ANKRD28: variants seen among roughly 807,000 people sequenced by gnomAD.
ANKRD28 encodes the protein serine/threonine-protein phosphatase 6 regulatory ankyrin repeat subunit A.
ANKRD28 carries 44 observed loss-of-function variants against 126.5 expected under a neutral mutation model. That is an observed-to-expected ratio of 0.35 (90% CI 0.27 to 0.45). ANKRD28 has a LOEUF of 0.45. Ranked by LOEUF, ANKRD28 falls within the 20% of genes least tolerant of loss-of-function variation. ANKRD28 has a pLI of 1.00. For synonymous variants in ANKRD28, 442 were observed against 468.5 expected (o/e 0.94, Z 0.73); for missense variants, 1,110 against 1,316.6 (o/e 0.84, Z 2.43).
Position 15,845,765 on chromosome 3 carries a change from T to C in ANKRD28, c.27+13612A>G, listed in dbSNP as rs1230722428. On this transcript the variant is annotated intron_variant, in intron 1 of 27. Coordinates refer to the ANKRD28 transcript ENST00000399451. This position sits in a 1 kb window ranked among gnomAD's most constrained non-coding sequence, Gnocchi z 4.9. ...AGTTCCACAGGCTTAATAAGAAGTA[T>C]GACTCAAGAAACTTAGAATCACGGT... Among the ~76,000 whole-genome samples, 3 of 152,152 alleles carry C rather than the reference T, an allele frequency of 2.0e-5. No homozygotes were observed. Among genetic ancestry groups the C allele is most frequent in the Non-Finnish European group, 4.4e-5 (3 of 68,034 alleles).
rs537408443 is a variant in ANKRD28, at chr3:15,833,693, C to T, written c.27+25684G>A. 4.0e-5 allele frequency among the ~76,000 whole-genome samples: 6 copies of T among 151,720 alleles called. No individual in the cohort carries two copies. The highest frequency in any genetic ancestry group is 8.8e-5 in the Non-Finnish European group (6 of 67,946). On this transcript the variant is annotated intron_variant, in intron 1 of 27. Coordinates refer to the ANKRD28 transcript ENST00000399451. The surrounding 1 kb of genome is among the most constrained non-coding windows in gnomAD (Gnocchi z 4.4). ...TCTGACTCATATAAGATGGTTTTAA[C>T]CCATTTATGCTGGAAGCTGCAATTA...
rs369591707 is a variant in ANKRD28 at position 15,737,244 on chromosome 3, T to C, written c.352-11A>G. On this transcript the variant is annotated splice_polypyrimidine_tract_variant and intron_variant, in intron 4 of 27. Coordinates refer to ENST00000683139, the MANE Select transcript of ANKRD28 (RefSeq NM_001349278.2). The stretch of plus-strand genomic sequence containing the variant: ...TACCTGAACTGCTTCCTAAAACATA[T>C]GAAAAGTTATAAAAGACAAATGAGT... 9.4e-4 allele frequency: 1,518 copies of C among 1,607,554 alleles called. 2 individuals carry two copies. Among genetic ancestry groups the C allele is most frequent in the Non-Finnish European group, 1.2e-3 (1,413 of 1,176,332 alleles).
At position 15,797,306 on chromosome 3, in the gene ANKRD28, A is replaced by G; in HGVS notation, c.-785T>C. On this transcript the variant is annotated 5_prime_UTR_variant, in exon 1 of 28. Transcript: ENST00000683139. ...GAGACAATACGACTCTTGGTACTAG[A>G]ATACAGCTTGATTAATCCAGGTTTC... 1.0e-6 allele frequency: 1 copy of G among 985,354 alleles called. No individual in the cohort carries two copies. 61.0% of individuals were successfully genotyped at this position (985,354 alleles called of 1,614,324 possible).
At chr3:15,684,334 G>A (rs2067868587) in intron 21 of ANKRD28, 1 of 152,198 alleles carries the variant, frequency 6.6e-6, no homozygotes, top group Non-Finnish European at 1.5e-5. Flanking sequence ...AGCGATGACT[G>A]TGACTGTGAG....
intron 1 of ANKRD28, among the ~76,000 whole-genome samples, chr3:15,847,454 T>C (rs1196687866): frequency 6.6e-6 from 1 of 152,194 alleles, no homozygotes; most frequent in Non-Finnish European, 1.5e-5. Flanking sequence ...TCATTCACTT[T>C]AATTATCACC....
At chr3:15,767,772 T>C (rs1183694775) in intron 2 of ANKRD28, among the ~76,000 whole-genome samples, 1 of 131,514 alleles carries the variant, frequency 7.6e-6, no homozygotes, top group South Asian at 2.5e-4. Flanking sequence ...CCTGTAGTCC[T>C]GGCTACTTGG....
intron 6 of ANKRD28, among the ~76,000 whole-genome samples, chr3:15,727,675 C>T (rs1283481559): frequency 2.0e-5 from 3 of 151,624 alleles, no homozygotes; most frequent in South Asian, 4.2e-4. Flanking sequence ...TGATTCCAAC[C>T]CTCATGGATG....
Position 15,854,514 on chromosome 3 carries a change from G to A in ANKRD28, c.27+4863C>T, listed in dbSNP as rs1231587551. ...CTGCACCTCTTACAGAGCTCACCAG[G>A]TTCTATTTTGTATTGCAAAAGGTAT... On this transcript the variant is annotated intron_variant, in intron 1 of 27. Transcript: ENST00000399451. This position sits in a 1 kb window ranked among gnomAD's most constrained non-coding sequence, Gnocchi z 4.1. Among the ~76,000 whole-genome samples, 1 of 152,138 alleles carries A rather than the reference G, an allele frequency of 6.6e-6. No individual in the cohort carries two copies. The highest frequency in any genetic ancestry group is 2.4e-5 in the African/African-American group (1 of 41,414).
intron 3 of ANKRD28, 150 bp downstream of exon 3, chr3:15,766,084 G>GT: frequency 1.7e-6 from 1 of 599,926 alleles, no homozygotes. Context: ...TATGTGATCA[G>GT]TATTTATGGA....
chr3:15,680,552 T>C (rs986968328), intron 21 of ANKRD28, among the ~76,000 whole-genome samples: 4 of 152,152 alleles, frequency 2.6e-5, no homozygotes, highest in African/African-American at 2.4e-5. Context: ...AGTATCAAAG[T>C]ATATCATAAA....
At chr3:15,695,160 T>C (rs761786533) in intron 16 of ANKRD28, 28 bp downstream of exon 16, 1 of 1,571,318 alleles carries the variant, frequency 6.4e-7, no homozygotes, top group Non-Finnish European at 8.7e-7. Flanking sequence ...CAATACTAAT[T>C]GGTGGGAGGG....
chr3:15,689,890 C>T (rs889045647), intron 18 of ANKRD28, 129 bp downstream of exon 18: 2 of 771,602 alleles, frequency 2.6e-6, no homozygotes, highest in African/African-American at 3.6e-5. Flanking sequence ...GTCAAATAAT[C>T]CATATATGAT....
intron 3 of ANKRD28, among the ~76,000 whole-genome samples, chr3:15,752,739 T>C (rs934162715): frequency 6.6e-6 from 1 of 152,252 alleles, no homozygotes; most frequent in Non-Finnish European, 1.5e-5. Context: ...TAACCTAACG[T>C]TGGGGTCAAC....
chr3:15,756,527 G>C (rs2058166307), intron 3 of ANKRD28: 1 of 985,202 alleles, frequency 1.0e-6, no homozygotes, highest in African/African-American at 1.7e-5. Context: ...GCTGAAGAGA[G>C]GTCTAACGTT....
intron 2 of ANKRD28, among the ~76,000 whole-genome samples, chr3:15,782,299 T>A (rs1043066495): frequency 6.6e-6 from 1 of 152,078 alleles, no homozygotes; most frequent in Admixed American, 6.6e-5. Flanking sequence ...CTTGTTTCAG[T>A]AGCGCAGAAT....
At chr3:15,753,124 T>C (rs964767402) in intron 3 of ANKRD28, among the ~76,000 whole-genome samples, 6 of 152,104 alleles carry the variant, frequency 3.9e-5, no homozygotes, top group East Asian at 3.8e-4. Context: ...TTAGAGAGCT[T>C]TGAACAATGC....
intron 2 of ANKRD28, among the ~76,000 whole-genome samples, chr3:15,780,826 C>T (rs1259624787): frequency 6.6e-6 from 1 of 152,120 alleles, no homozygotes; most frequent in East Asian, 1.9e-4. Flanking sequence ...GTGGAAAGAA[C>T]AGCCTCTTCA....
chr3:15,805,311 G>A (rs1012549775), intron 1 of ANKRD28, among the ~76,000 whole-genome samples: 3 of 152,158 alleles, frequency 2.0e-5, no homozygotes, highest in African/African-American at 7.2e-5. Context: ...GTCTTTAAAA[G>A]TTAGGTTATT....
Position 15,796,506 on chromosome 3 carries a change from T to C in ANKRD28, c.16A>G (p.Ile6Val). The C allele has an allele frequency of 1.6e-6, 2 of 1,287,804 alleles. No individual in the cohort carries two copies. The highest frequency in any genetic ancestry group is 2.0e-6 in the Non-Finnish European group (2 of 987,814). 79.8% of individuals were successfully genotyped at this position (1,287,804 alleles called of 1,614,324 possible). A position where few individuals can be genotyped will look rare whatever the true frequency, so the allele number is the denominator to read the frequency against. The change falls in exon 1 of 28, where the codon ATT (isoleucine) becomes GTT (valine). Residue 6 changes from isoleucine (I) to valine (V), a missense_variant. Coordinates refer to ENST00000683139, the MANE Select transcript of ANKRD28 (RefSeq NM_001349278.2). Reference protein sequence around the residue: MSRVCIVVLEEVEDES... With the variant: MSRVCVVVLEEVEDES... ...TCTTCTACCTCCTCCAAAACAACAATACACACTCGACTCATTCGATCTTTT... is the reference window on the plus strand; with the variant it reads ...TCTTCTACCTCCTCCAAAACAACAACACACACTCGACTCATTCGATCTTTT...
Sources: gnomAD v4.1 joint callset for allele counts (sites outside exome capture counted in the v4.1 genomes callset) on GRCh38, gnomAD v4.1.1 for gene constraint, Gnocchi (gnomAD v3.1) non-coding constraint, MANE v1.5 for transcripts, NCBI Gene and HGNC (gene_info 2026-07-23, HGNC 2026-07-21) for gene names.